The following PRKG1 variants were observed in gnomAD, a reference collection of about 807,000 sequenced individuals.
PRKG1 encodes cGMP-dependent protein kinase 1.
Under a neutral mutation model 88.1 loss-of-function variants are expected in PRKG1, and 35 were observed. The ratio of observed to expected loss-of-function variants is 0.40; its 90% CI spans 0.30 to 0.53. The LOEUF (loss-of-function observed/expected upper bound fraction) is 0.53. PRKG1 is among the 20% of genes least tolerant of loss of function. PRKG1 has a pLI of 0.59. For synonymous variants in PRKG1, 303 were observed against 292.5 expected (o/e 1.04, Z -0.37); for missense variants, 540 against 839.8 (o/e 0.64, Z 4.41).
At chr10:51,113,546 T>C (rs1460927725) in intron 1 of PRKG1, among the ~76,000 whole-genome samples, 1 of 152,126 alleles carries the variant, frequency 6.6e-6, no homozygotes, top group Non-Finnish European at 1.5e-5. Context: ...TGTTTTTAAA[T>C]TGACATCTAT....
intron 3 of PRKG1, among the ~76,000 whole-genome samples, chr10:51,559,364 T>A (rs553317938): frequency 6.6e-6 from 1 of 152,218 alleles, no homozygotes; most frequent in Admixed American, 6.6e-5. Context: ...CTTGAGGAAG[T>A]AAATAATGCA....
intron 7 of PRKG1, among the ~76,000 whole-genome samples, chr10:52,084,808 C>T (rs903421334): frequency 6.6e-6 from 1 of 151,890 alleles, no homozygotes; most frequent in African/African-American, 2.4e-5. Context: ...CTTTATGACA[C>T]CTTTTTTGTC....
chr10:52,028,271 G>A (rs938712901), intron 5 of PRKG1, among the ~76,000 whole-genome samples: 5 of 152,036 alleles, frequency 3.3e-5, no homozygotes. Flanking sequence ...TTTCAGATGT[G>A]TACAGCTCCT....
chr10:51,205,127 C>CTTTCTTTCTTTTTT (rs1433048297), intron 2 of PRKG1, among the ~76,000 whole-genome samples: 1 of 64,030 alleles, frequency 1.6e-5, no homozygotes, highest in Non-Finnish European at 3.0e-5. Flanking sequence ...ATTTTCTTTT[C>CTTTCTTTCTTTTTT]TTTTTTTTTT....
chr10:51,395,823 G>A (rs535490707), intron 2 of PRKG1, among the ~76,000 whole-genome samples: 7 of 152,142 alleles, frequency 4.6e-5, no homozygotes, highest in East Asian at 1.9e-4. Context: ...TGACAATATC[G>A]TGGTTGAATC....
rs60689292 is a variant in PRKG1 at position 51,156,314 on chromosome 10, A to ACACACACACACACACACACACACACAC, written c.478+2984_478+2985insCACACACACACACACACACACACACAC. ...TGATGCAAGCACACACACACACACA[A>ACACACACACACACACACACACACACAC]ACACACACACCCGAATGTAACAAAA... is the stretch of plus-strand genomic sequence containing the variant. On this transcript the variant is annotated intron_variant, in intron 2 of 17. Coordinates refer to ENST00000373980, the MANE Select transcript of PRKG1 (RefSeq NM_006258.4). Among the ~76,000 whole-genome samples, 171 of 147,132 alleles carry ACACACACACACACACACACACACACAC rather than the reference A, an allele frequency of 1.2e-3. 1 individual carries two copies. Among genetic ancestry groups the ACACACACACACACACACACACACACAC allele is most frequent in the Middle Eastern group, 3.6e-3 (1 of 280 alleles).
intron 2 of PRKG1, among the ~76,000 whole-genome samples, chr10:51,358,386 G>A (rs1291183448): frequency 6.6e-6 from 1 of 151,794 alleles, no homozygotes; most frequent in Admixed American, 6.6e-5. Context: ...TCAGGTTAGG[G>A]GATAGGAGTA....
chr10:51,290,250 C>T lies in PRKG1; in HGVS notation c.478+136920C>T, dbSNP rs1174680885. Among the ~76,000 whole-genome samples, 4 of 149,388 alleles carry T rather than the reference C, an allele frequency of 2.7e-5. No homozygotes were observed. The East Asian group carries it at 7.9e-4, about 29-fold the overall frequency. Reference sequence around the variant, plus strand: ...GCGAGATGCTGTCTCAAAAAACAAACAAAAAAAAAGACGAGTAACAAAGAA... The same window carrying T: ...GCGAGATGCTGTCTCAAAAAACAAATAAAAAAAAAGACGAGTAACAAAGAA... On this transcript the variant is annotated intron_variant, in intron 2 of 17. Transcript: ENST00000373980.
chr10:52,025,349 T>C (rs1249873888), intron 5 of PRKG1, among the ~76,000 whole-genome samples: 1 of 152,232 alleles, frequency 6.6e-6, no homozygotes, highest in Non-Finnish European at 1.5e-5. Flanking sequence ...CATTTGTCAA[T>C]TGTGGCTTTT....
intron 8 of PRKG1, among the ~76,000 whole-genome samples, chr10:52,137,787 G>A (rs1837468264): frequency 6.6e-6 from 1 of 152,062 alleles, no homozygotes; most frequent in Non-Finnish European, 1.5e-5. Flanking sequence ...TCTACAGTTA[G>A]TTGAATCCAC....
At chr10:51,657,792 G>T (rs886928015) in intron 3 of PRKG1, among the ~76,000 whole-genome samples, 1 of 152,144 alleles carries the variant, frequency 6.6e-6, no homozygotes, top group Non-Finnish European at 1.5e-5. Context: ...TCCAACAGGA[G>T]AATAAAGTAG....
intron 2 of PRKG1, among the ~76,000 whole-genome samples, chr10:51,309,285 A>G (rs565471617): frequency 1.7e-4 from 26 of 152,330 alleles, no homozygotes; most frequent in Admixed American, 1.4e-3. Flanking sequence ...TAAATAATCA[A>G]CAGAGTGAAC....
At chr10:51,859,070 G>T (rs4935285) in intron 4 of PRKG1, among the ~76,000 whole-genome samples, 103,533 of 152,036 alleles carry the variant, frequency 0.68, 35,686 homozygotes, top group East Asian at 0.83. Context: ...ATGAGGCCCA[G>T]AGGAAAGGAA....
chr10:52,166,731 A>G (rs780702156), intron 9 of PRKG1, among the ~76,000 whole-genome samples: 31 of 147,112 alleles, frequency 2.1e-4, no homozygotes, highest in Non-Finnish European at 4.0e-4. Context: ...TGATGTCTTA[A>G]TTGCTGAATA....
At chr10:51,441,218 T>C (rs537380795) in intron 2 of PRKG1, among the ~76,000 whole-genome samples, 1 of 152,112 alleles carries the variant, frequency 6.6e-6, no homozygotes, top group African/African-American at 2.4e-5. Context: ...GCCAGTTTTT[T>C]ATTCTTACTT....
At chr10:51,112,405 C>CA (rs1316764350) in intron 1 of PRKG1, among the ~76,000 whole-genome samples, 1 of 151,584 alleles carries the variant, frequency 6.6e-6, no homozygotes, top group African/African-American at 2.4e-5. Flanking sequence ...CAAAGGAGAC[C>CA]AAAAAAACCC....
At chr10:51,063,248 C>T (rs377442443) in intron 1 of PRKG1, among the ~76,000 whole-genome samples, 46 of 152,216 alleles carry the variant, frequency 3.0e-4, no homozygotes, top group African/African-American at 9.9e-4. Context: ...AGTACAGCTG[C>T]GTCATTTAAC....
intron 2 of PRKG1, among the ~76,000 whole-genome samples, chr10:51,280,035 T>C (rs559228666): frequency 2.6e-5 from 4 of 152,216 alleles, no homozygotes; most frequent in African/African-American, 9.6e-5. Context: ...CCATGTTTAG[T>C]GCTTCCTTCA....
chr10:51,380,659 G>T (rs191404366), intron 2 of PRKG1, among the ~76,000 whole-genome samples: 4 of 152,256 alleles, frequency 2.6e-5, no homozygotes, highest in African/African-American at 9.6e-5. Flanking sequence ...AGTACTGGCA[G>T]CCAGCTTGTG....
Sources: gnomAD v4.1 joint callset for allele counts (sites outside exome capture counted in the v4.1 genomes callset) on GRCh38, gnomAD v4.1.1 for gene constraint, MANE v1.5 for transcripts, NCBI Gene and HGNC (gene_info 2026-07-23, HGNC 2026-07-21) for gene names.